Variants in CADM1 observed in about 807,000 individuals in gnomAD.
CADM1 encodes the protein TSLC-1.
Under a neutral mutation model 53.1 loss-of-function variants are expected in CADM1, and 15 were observed. The observed-to-expected ratio is 0.28, with a 90% CI of 0.19 to 0.44. CADM1 has a LOEUF of 0.44. Ranked by LOEUF, CADM1 falls within the 20% of genes least tolerant of loss-of-function variation. The pLI is 1.00. For synonymous variants in CADM1, 281 were observed against 243.0 expected (o/e 1.16, Z -1.45); for missense variants, 434 against 611.3 (o/e 0.71, Z 3.06).
chr11:115,446,109 A>G lies in CADM1; in HGVS notation c.124+58162T>C, dbSNP rs73578894. On this transcript the variant is annotated intron_variant, in intron 1 of 11. Transcript: ENST00000331581. ...AGTCCCTGCCTTCAAGGAGCTTACA[A>G]TTTCATGGGGAATAATAATATCTAT... Among the ~76,000 whole-genome samples the G allele has an allele frequency of 5.1e-3, 773 of 152,218 alleles. 5 individuals are homozygous for G. Among genetic ancestry groups the G allele is most frequent in the African/African-American group, 0.018 (750 of 41,540 alleles).
intron 1 of CADM1, among the ~76,000 whole-genome samples, chr11:115,274,218 A>C (rs780688840): frequency 5.3e-5 from 8 of 152,244 alleles, no homozygotes; most frequent in Non-Finnish European, 8.8e-5. Context: ...GTTCAAATGG[A>C]AACACAGAGA....
intron 1 of CADM1, among the ~76,000 whole-genome samples, chr11:115,351,722 A>G (rs1945742601): frequency 6.6e-6 from 1 of 152,184 alleles, no homozygotes; most frequent in Admixed American, 6.5e-5. Context: ...CTCTTAATCA[A>G]AAATAGGCAC....
intron 1 of CADM1, among the ~76,000 whole-genome samples, chr11:115,247,978 C>T (rs1942460886): frequency 1.3e-5 from 2 of 152,100 alleles, no homozygotes; most frequent in South Asian, 4.1e-4. Context: ...TTCTTTTGTC[C>T]CCATGAAATT....
intron 7 of CADM1, among the ~76,000 whole-genome samples, chr11:115,213,664 T>C (rs1941058706): frequency 6.6e-6 from 1 of 152,226 alleles, no homozygotes; most frequent in Admixed American, 6.5e-5. Flanking sequence ...TATGTGTATC[T>C]AAACATTTAT....
At chr11:115,179,572 T>C (rs1194019603) in intron 10 of CADM1, among the ~76,000 whole-genome samples, 3 of 152,236 alleles carry the variant, frequency 2.0e-5, no homozygotes, top group African/African-American at 4.8e-5. Flanking sequence ...AATGGATGTA[T>C]GGCAGTGTAA....
chr11:115,184,331 C>T (rs1939444576), intron 10 of CADM1, among the ~76,000 whole-genome samples: 1 of 152,226 alleles, frequency 6.6e-6, no homozygotes, highest in Non-Finnish European at 1.5e-5. Flanking sequence ...AACTTTATTA[C>T]TGAAGGGGAA....
At chr11:115,309,263 G>C (rs536007667) in intron 1 of CADM1, among the ~76,000 whole-genome samples, 3 of 152,002 alleles carry the variant, frequency 2.0e-5, no homozygotes, top group Non-Finnish European at 4.4e-5. Context: ...TTCTTTTAAA[G>C]TTGTCAACGC....
At chr11:115,207,546 T>C (rs2134724293) in intron 8 of CADM1, among the ~76,000 whole-genome samples, 1 of 151,974 alleles carries the variant, frequency 6.6e-6, no homozygotes, top group South Asian at 2.1e-4. Flanking sequence ...CTGAGATTGA[T>C]TGTGAGGGGG....
chr11:115,488,089 G>GA (rs1217015306), intron 1 of CADM1, among the ~76,000 whole-genome samples: 2 of 150,628 alleles, frequency 1.3e-5, no homozygotes, highest in African/African-American at 4.9e-5. Flanking sequence ...AGAAATCAAG[G>GA]AAGACATAGC....
At chr11:115,468,828 G>A (rs939830864) in intron 1 of CADM1, among the ~76,000 whole-genome samples, 1 of 152,150 alleles carries the variant, frequency 6.6e-6, no homozygotes, top group African/African-American at 2.4e-5. Context: ...GAGGTATAAT[G>A]GACTAACAGC....
chr11:115,393,528 T>C lies in CADM1; in HGVS notation c.124+110743A>G, dbSNP rs1211358592. Among the ~76,000 whole-genome samples the C allele has an allele frequency of 2.0e-5, 3 of 147,130 alleles. No homozygotes were observed. In the East Asian group the frequency reaches 5.9e-4, roughly 29 times the overall value. ...AATGAAGTCTTAGTAAATAAAGTAT[T>C]AGAAAAAAGAGCAAATGTTAACAGT... On this transcript the variant is annotated intron_variant, in intron 1 of 11. Transcript: ENST00000331581.
At chr11:115,355,089 A>G (rs764180035) in intron 1 of CADM1, among the ~76,000 whole-genome samples, 14 of 152,214 alleles carry the variant, frequency 9.2e-5, no homozygotes, top group Non-Finnish European at 1.6e-4. Flanking sequence ...AGCATTTTCA[A>G]TCCAGAACAC....
At chr11:115,254,549 A>AACACACACACACAC (rs58261564) in intron 1 of CADM1, among the ~76,000 whole-genome samples, 5 of 134,896 alleles carry the variant, frequency 3.7e-5, no homozygotes, top group African/African-American at 8.2e-5. Context: ...AAGGGAGACA[A>AACACACACACACAC]ACACACACAC....
chr11:115,352,757 C>T (rs1945769155), intron 1 of CADM1, among the ~76,000 whole-genome samples: 1 of 152,094 alleles, frequency 6.6e-6, no homozygotes, highest in Non-Finnish European at 1.5e-5. Context: ...CTCACCACTG[C>T]CATATGAAAT....
Position 115,251,038 on chromosome 11 carries a change from A to G in CADM1, c.125-10618T>C, listed in dbSNP as rs193026203. ...CTAAAGTAACATTCTCAGCATATCA[A>G]GGAATCTGAAGCCAAACAGCCAATC... On this transcript the variant is annotated intron_variant, in intron 1 of 11. Transcript: ENST00000331581. 3.3e-5 allele frequency among the ~76,000 whole-genome samples: 5 copies of G among 152,376 alleles called. No individual in the cohort carries two copies. The East Asian group carries it at 5.8e-4, about 18-fold the overall frequency.
chr11:115,423,880 C>G (rs559850812), intron 1 of CADM1, among the ~76,000 whole-genome samples: 2 of 152,216 alleles, frequency 1.3e-5, no homozygotes, highest in Non-Finnish European at 2.9e-5. Flanking sequence ...GGTTTTGTCT[C>G]GCTCTACTCT....
chr11:115,240,166 T>G, intron 2 of CADM1, 108 bp downstream of exon 2: 2 of 1,008,192 alleles, frequency 2.0e-6, no homozygotes, highest in South Asian at 2.7e-5. Flanking sequence ...TGACTAAACT[T>G]TAAGCATCTA....
chr11:115,225,190 T>C (rs376262510), intron 5 of CADM1, among the ~76,000 whole-genome samples: 2 of 152,112 alleles, frequency 1.3e-5, no homozygotes, highest in East Asian at 3.9e-4. Context: ...GAAAACCTTA[T>C]TAATGAGCTT....
At chr11:115,427,654 T>C (rs1254137954) in intron 1 of CADM1, among the ~76,000 whole-genome samples, 1 of 152,018 alleles carries the variant, frequency 6.6e-6, no homozygotes, top group Non-Finnish European at 1.5e-5. Flanking sequence ...GGGAATATAT[T>C]CATGTATTAA....
Sources: allele counts gnomAD v4.1 joint callset (sites outside exome capture counted in the v4.1 genomes callset), GRCh38; gene constraint gnomAD v4.1.1; transcripts MANE v1.5; gene names NCBI Gene and HGNC (gene_info 2026-07-23, HGNC 2026-07-21).